The following NKAIN2 variants were observed in gnomAD, a reference collection of about 807,000 sequenced individuals.
NKAIN2 encodes the protein sodium/potassium-transporting ATPase subunit beta-1-interacting protein 2.
Under a neutral mutation model 32.6 loss-of-function variants are expected in NKAIN2, and 14 were observed. That is an observed-to-expected ratio of 0.43 (90% CI 0.28 to 0.67). The LOEUF (loss-of-function observed/expected upper bound fraction) is 0.67, where lower values mean the gene tolerates loss of function less well. Ranked by LOEUF, NKAIN2 falls within the 30% of genes least tolerant of loss-of-function variation. The pLI, the probability that NKAIN2 is intolerant of heterozygous loss-of-function variation, is 0.17. For synonymous variants in NKAIN2, 80 were observed against 87.2 expected, an observed-to-expected ratio of 0.92 and a Z score of 0.46; for missense variants, 198 against 258.3, an observed-to-expected ratio of 0.77 and a Z score of 1.60.
intron 1 of NKAIN2, among the ~76,000 whole-genome samples, chr6:124,058,243 T>C (rs1269121072): frequency 6.6e-6 from 1 of 150,526 alleles, no homozygotes; most frequent in Non-Finnish European, 1.5e-5. Flanking sequence ...TATAACTCAG[T>C]TATAATTTCT....
chr6:124,618,242 C>T (rs1218490833), intron 3 of NKAIN2, among the ~76,000 whole-genome samples: 4 of 152,162 alleles, frequency 2.6e-5, no homozygotes, highest in African/African-American at 9.7e-5. Context: ...CTTTGGGAGG[C>T]TGAGCCGGGT....
chr6:124,346,277 G>T lies in NKAIN2; in HGVS notation c.193-8990G>T, dbSNP rs193066143. Among the ~76,000 whole-genome samples, 258 of 152,236 alleles carry T rather than the reference G, an allele frequency of 1.7e-3. 1 individual carries two copies. Among genetic ancestry groups the T allele is most frequent in the Admixed American group, 3.5e-3 (53 of 15,280 alleles). On this transcript the variant is annotated intron_variant, in intron 2 of 6. Coordinates refer to ENST00000368417, the MANE Select transcript of NKAIN2 (RefSeq NM_001040214.3). ...AACTATGTGGTCAATTTTGGAATAG[G>T]TGTGGTGTGGTGCTGAAAAAAATGT...
At chr6:124,514,239 GT>G (rs756072478) in intron 3 of NKAIN2, among the ~76,000 whole-genome samples, 1 of 152,098 alleles carries the variant, frequency 6.6e-6, no homozygotes, top group Non-Finnish European at 1.5e-5. Context: ...ACTGTTGGAG[GT>G]TTTGAGTCCC....
intron 1 of NKAIN2, among the ~76,000 whole-genome samples, chr6:124,131,284 A>G (rs146668957): frequency 1.3e-5 from 2 of 152,272 alleles, no homozygotes; most frequent in East Asian, 3.9e-4. Context: ...AGCTAAGACT[A>G]TAGGTGCATG....
intron 1 of NKAIN2, among the ~76,000 whole-genome samples, chr6:123,906,373 C>A (rs148682714): frequency 3.5e-4 from 49 of 140,010 alleles, no homozygotes; most frequent in African/African-American, 1.1e-3. Flanking sequence ...TCACTGCGGT[C>A]TCGACTTCCT....
chr6:123,914,939 G>A (rs1207643178), intron 1 of NKAIN2, among the ~76,000 whole-genome samples: 1 of 152,136 alleles, frequency 6.6e-6, no homozygotes, highest in Admixed American at 6.6e-5. Context: ...CCTCACAAGG[G>A]AGCCTGCATT....
At chr6:124,032,466 G>A (rs1173076104) in intron 1 of NKAIN2, among the ~76,000 whole-genome samples, 1 of 151,856 alleles carries the variant, frequency 6.6e-6, no homozygotes, top group Admixed American at 6.6e-5. Flanking sequence ...AAATAGTTAT[G>A]TTGCCTGTGG....
intron 1 of NKAIN2, among the ~76,000 whole-genome samples, chr6:124,021,743 T>C (rs1398888038): frequency 2.0e-5 from 3 of 152,092 alleles, no homozygotes; most frequent in Middle Eastern, 3.2e-3. Flanking sequence ...TAGACATATC[T>C]ATATAGATAT....
intron 1 of NKAIN2, among the ~76,000 whole-genome samples, chr6:124,032,795 A>G (rs930104198): frequency 4.6e-5 from 7 of 152,110 alleles, no homozygotes; most frequent in Admixed American, 6.6e-5. Flanking sequence ...TCTGAAATAT[A>G]TATGTATTGA....
chr6:124,540,449 C>A (rs547312239), intron 3 of NKAIN2, among the ~76,000 whole-genome samples: 1 of 152,284 alleles, frequency 6.6e-6, no homozygotes, highest in East Asian at 1.9e-4. Context: ...GATAATTTTG[C>A]GTATCTGTAA....
intron 3 of NKAIN2, among the ~76,000 whole-genome samples, chr6:124,371,685 C>T (rs1393673284): frequency 9.0e-6 from 1 of 111,410 alleles, no homozygotes; most frequent in South Asian, 3.2e-4. Flanking sequence ...GAGAGCAAGA[C>T]TCTGTCTCAA....
intron 4 of NKAIN2, among the ~76,000 whole-genome samples, chr6:124,676,472 G>A (rs569553867): frequency 5.3e-5 from 8 of 152,176 alleles, no homozygotes; most frequent in Non-Finnish European, 8.8e-5. Flanking sequence ...CCTTCAGTTC[G>A]TCAGTAACTG....
chr6:123,979,853 C>T (rs1436120102), intron 1 of NKAIN2, among the ~76,000 whole-genome samples: 2 of 151,772 alleles, frequency 1.3e-5, no homozygotes, highest in East Asian at 3.9e-4. Context: ...TGAGTAGAGT[C>T]TCTAGCTCTT....
chr6:124,240,037 G>T (rs1012089946), intron 1 of NKAIN2, among the ~76,000 whole-genome samples: 1 of 151,418 alleles, frequency 6.6e-6, no homozygotes, highest in South Asian at 2.1e-4. Context: ...AATCAAATAG[G>T]CACAATAAAA....
chr6:123,960,137 A>G (rs1192809989), intron 1 of NKAIN2, among the ~76,000 whole-genome samples: 1 of 152,154 alleles, frequency 6.6e-6, no homozygotes, highest in Admixed American at 6.5e-5. Context: ...TAAAAATTCT[A>G]TATTGAATAT....
chr6:124,414,300 G>A (rs1583215506), intron 3 of NKAIN2, among the ~76,000 whole-genome samples: 1 of 152,140 alleles, frequency 6.6e-6, no homozygotes, highest in East Asian at 1.9e-4. Flanking sequence ...TCACATTTTA[G>A]TTTGATAATA....
At chr6:123,862,476 G>C (rs185171347) in intron 1 of NKAIN2, among the ~76,000 whole-genome samples, 22 of 151,952 alleles carry the variant, frequency 1.4e-4, no homozygotes, top group African/African-American at 5.1e-4. Flanking sequence ...AAGGTTAAAC[G>C]CAGTAACACC....
At chr6:124,377,340 T>A (rs1477724752) in intron 3 of NKAIN2, among the ~76,000 whole-genome samples, 1 of 152,196 alleles carries the variant, frequency 6.6e-6, no homozygotes, top group Admixed American at 6.5e-5. Flanking sequence ...ATCAGGGCAG[T>A]AAGCAAGCCA....
intron 4 of NKAIN2, among the ~76,000 whole-genome samples, chr6:124,694,879 A>T (rs1429942972): frequency 6.6e-6 from 1 of 152,188 alleles, no homozygotes; most frequent in Non-Finnish European, 1.5e-5. Flanking sequence ...TAAATTTAAT[A>T]AAAATATTTG....
Sources: gnomAD v4.1 joint callset for allele counts (sites outside exome capture counted in the v4.1 genomes callset) on GRCh38, gnomAD v4.1.1 for gene constraint, MANE v1.5 for transcripts, NCBI Gene and HGNC (gene_info 2026-07-23, HGNC 2026-07-21) for gene names.